Variants in CNTNAP2 observed in about 807,000 individuals in gnomAD.
CNTNAP2 encodes contactin associated protein 2.
CNTNAP2 carries 98 observed loss-of-function variants against 155.2 expected under a neutral mutation model. That is an observed-to-expected ratio of 0.63 (90% CI 0.54 to 0.75). CNTNAP2 has a LOEUF of 0.75. CNTNAP2 is among the 30% of genes least tolerant of loss of function. The pLI is 0.00. For synonymous variants in CNTNAP2, 651 were observed against 631.2 expected (o/e 1.03, Z -0.47); for missense variants, 1,727 against 1,688.1 (o/e 1.02, Z -0.40).
intron 8 of CNTNAP2, among the ~76,000 whole-genome samples, chr7:147,274,560 A>T (rs1804850780): frequency 6.6e-6 from 1 of 152,008 alleles, no homozygotes; most frequent in East Asian, 1.9e-4. Flanking sequence ...TTCTTTGTAG[A>T]TTCTGGACGT....
At chr7:146,558,304 G>A (rs910181858) in intron 1 of CNTNAP2, among the ~76,000 whole-genome samples, 3 of 152,048 alleles carry the variant, frequency 2.0e-5, no homozygotes, top group Admixed American at 2.0e-4. Context: ...AAACATTTCA[G>A]TAATGAGAAA....
intron 1 of CNTNAP2, among the ~76,000 whole-genome samples, chr7:146,355,298 G>C (rs1240398811): frequency 1.3e-5 from 2 of 152,134 alleles, no homozygotes; most frequent in Non-Finnish European, 2.9e-5. Context: ...GTAGGTTTAT[G>C]TCTAATTAGC....
chr7:146,770,349 C>T (rs997238706), intron 1 of CNTNAP2, among the ~76,000 whole-genome samples: 34 of 144,604 alleles, frequency 2.4e-4, no homozygotes, highest in Admixed American at 4.1e-4. Flanking sequence ...CACACACACA[C>T]ATATACATAT....
chr7:147,485,037 A>G (rs182116606), intron 10 of CNTNAP2, among the ~76,000 whole-genome samples: 113 of 152,220 alleles, frequency 7.4e-4, no homozygotes, highest in African/African-American at 2.6e-3. Flanking sequence ...AGTGGATGGA[A>G]CCAGGAGAAA....
intron 3 of CNTNAP2, among the ~76,000 whole-genome samples, chr7:146,976,792 A>G (rs10243212): frequency 0.37 from 55,728 of 152,060 alleles, 10,727 homozygotes; most frequent in Middle Eastern, 0.43. Context: ...TAGACTGGGT[A>G]GCGAAACCCG....
chr7:146,656,260 G>A lies in CNTNAP2; in HGVS notation c.98-118011G>A, dbSNP rs115763625. 6.7e-3 allele frequency among the ~76,000 whole-genome samples: 1,018 copies of A among 152,220 alleles called. 11 individuals carry two copies. The highest frequency in any genetic ancestry group is 0.023 in the African/African-American group (973 of 41,536). The stretch of plus-strand genomic sequence containing the variant: ...AGATCATTGCACACACACTCGTTCT[G>A]CATTCCAAACAATTTCACCTGGCAA... On this transcript the variant is annotated intron_variant, in intron 1 of 23. Coordinates refer to ENST00000361727, the MANE Select transcript of CNTNAP2 (RefSeq NM_014141.6).
At position 146,685,498 on chromosome 7, in the gene CNTNAP2, G is replaced by A. The variant is rs187933253; in HGVS notation, c.98-88773G>A. Among the ~76,000 whole-genome samples the A allele has an allele frequency of 3.3e-5, 5 of 152,114 alleles. No individual in the cohort carries two copies. In the East Asian group the frequency reaches 9.7e-4, roughly 29 times the overall value. ...GACATTTCCTGGTAAAAGGGTGGGAGAACCAAAAAAATACATCCTTTCTCA... is the reference window on the plus strand; with the variant it reads ...GACATTTCCTGGTAAAAGGGTGGGAAAACCAAAAAAATACATCCTTTCTCA... On this transcript the variant is annotated intron_variant, in intron 1 of 23. Transcript: ENST00000361727.
intron 11 of CNTNAP2, among the ~76,000 whole-genome samples, chr7:147,503,023 A>G (rs1263448306): frequency 6.6e-6 from 1 of 152,132 alleles, no homozygotes; most frequent in African/African-American, 2.4e-5. Flanking sequence ...TTTGATTTCT[A>G]GGGCTGCCAT....
chr7:148,333,116 T>C (rs1585282762), intron 21 of CNTNAP2, among the ~76,000 whole-genome samples: 1 of 152,226 alleles, frequency 6.6e-6, no homozygotes, highest in East Asian at 1.9e-4. Context: ...GGGATGTTTA[T>C]ACAAAAACAT....
intron 21 of CNTNAP2, among the ~76,000 whole-genome samples, chr7:148,361,581 G>A (rs996427920): frequency 6.6e-6 from 1 of 152,134 alleles, no homozygotes; most frequent in Non-Finnish European, 1.5e-5. Flanking sequence ...CTCTCTGCCT[G>A]TGTCTCCACC....
intron 13 of CNTNAP2, among the ~76,000 whole-genome samples, chr7:147,787,400 T>C (rs1179638890): frequency 6.6e-6 from 1 of 152,214 alleles, no homozygotes; most frequent in Non-Finnish European, 1.5e-5. Flanking sequence ...ATCACTTTCA[T>C]GGAAAAGTGG....
At chr7:147,507,423 C>G (rs1798925655) in intron 11 of CNTNAP2, among the ~76,000 whole-genome samples, 1 of 152,142 alleles carries the variant, frequency 6.6e-6, no homozygotes, top group Admixed American at 6.6e-5. Context: ...TTCAACCCTT[C>G]AACGTGGCTA....
intron 2 of CNTNAP2, among the ~76,000 whole-genome samples, chr7:146,775,669 C>G (rs1231977263): frequency 6.7e-6 from 1 of 149,780 alleles, no homozygotes; most frequent in Non-Finnish European, 1.5e-5. Context: ...AAAAGAAGAA[C>G]AAGAAGAAGA....
chr7:147,713,853 C>A (rs569021088), intron 13 of CNTNAP2, among the ~76,000 whole-genome samples: 1 of 152,216 alleles, frequency 6.6e-6, no homozygotes, highest in African/African-American at 2.4e-5. Context: ...TCCCTAATGA[C>A]TAATGATATT....
At chr7:147,170,698 T>C (rs551109636) in intron 8 of CNTNAP2, among the ~76,000 whole-genome samples, 1 of 152,088 alleles carries the variant, frequency 6.6e-6, no homozygotes, top group Non-Finnish European at 1.5e-5. Flanking sequence ...CTGGACTGGG[T>C]TGGGTTGGGT....
chr7:147,412,304 C>A (rs953257644), intron 10 of CNTNAP2, among the ~76,000 whole-genome samples: 1 of 152,164 alleles, frequency 6.6e-6, no homozygotes, highest in Admixed American at 6.5e-5. Flanking sequence ...CTCAGATGTT[C>A]TTTCAGTGGG....
chr7:147,778,096 C>T (rs1374450106), intron 13 of CNTNAP2, among the ~76,000 whole-genome samples: 2 of 152,112 alleles, frequency 1.3e-5, no homozygotes, highest in Admixed American at 6.5e-5. Flanking sequence ...TCCAGAATAC[C>T]TTCACCTGAC....
At chr7:146,744,106 T>A (rs926249335) in intron 1 of CNTNAP2, among the ~76,000 whole-genome samples, 9 of 151,330 alleles carry the variant, frequency 5.9e-5, no homozygotes, top group African/African-American at 2.2e-4. Context: ...CACGTCCCTG[T>A]AATCCCAGCT....
chr7:148,274,785 CA>C (rs1487338128), intron 21 of CNTNAP2, among the ~76,000 whole-genome samples: 1 of 152,190 alleles, frequency 6.6e-6, no homozygotes. Flanking sequence ...TTCTTTATAG[CA>C]GTGCAAGAAC....
Sources: gnomAD v4.1 joint callset for allele counts (sites outside exome capture counted in the v4.1 genomes callset) on GRCh38, gnomAD v4.1.1 for gene constraint, MANE v1.5 for transcripts, NCBI Gene and HGNC (gene_info 2026-07-23, HGNC 2026-07-21) for gene names.